LIMCH1: variants seen among roughly 807,000 people sequenced by gnomAD.
The protein encoded by LIMCH1 is LIM and calponin homology domains-containing protein 1.
A neutral mutation model predicts 176.5 loss-of-function variants in LIMCH1; 113 were observed. The ratio of observed to expected loss-of-function variants is 0.64; its 90% CI spans 0.55 to 0.75. The LOEUF is 0.75. Ranked by LOEUF, LIMCH1 falls within the 30% of genes least tolerant of loss-of-function variation. The pLI, the probability that LIMCH1 is intolerant of heterozygous loss-of-function variation, is 0.00. For synonymous variants in LIMCH1, 619 were observed against 645.9 expected, an observed-to-expected ratio of 0.96 and a Z score of 0.63; for missense variants, 1,674 against 1,814.9, an observed-to-expected ratio of 0.92 and a Z score of 1.41.
At chr4:41,530,493 G>A (rs1233043632) in intron 3 of LIMCH1, among the ~76,000 whole-genome samples, 6 of 151,946 alleles carry the variant, frequency 3.9e-5, no homozygotes, top group East Asian at 1.9e-4. Context: ...CTCCGGGCTC[G>A]GTCTCTCCTC....
intron 1 of LIMCH1, among the ~76,000 whole-genome samples, chr4:41,434,296 G>A (rs1406181396): frequency 2.0e-5 from 3 of 152,200 alleles, no homozygotes; most frequent in Admixed American, 6.5e-5. Context: ...CTGGCCACCA[G>A]CTGTAGACAT....
intron 1 of LIMCH1, among the ~76,000 whole-genome samples, chr4:41,392,732 A>G (rs2057373862): frequency 6.6e-6 from 1 of 151,998 alleles, no homozygotes. Context: ...AACTCTCCAC[A>G]CTATTGAAAA....
At chr4:41,688,042 TAC>T (rs1446307692) in intron 29 of LIMCH1, 125 bp downstream of exon 29, 30 of 702,702 alleles carry the variant, frequency 4.3e-5, no homozygotes, top group South Asian at 1.1e-4. Context: ...CATCTCTTCC[TAC>T]ACACACACAG....
Position 41,633,030 on chromosome 4 carries a change from A to G in LIMCH1, c.1774A>G (p.Arg592Gly). The change falls in exon 12 of 32, where the codon AGA becomes GGA. Residue 592 changes from arginine (R) to glycine (G), a missense_variant. This residue lies in a region of LIMCH1 where 1,015 missense variants were observed against 1,102.5 expected (regional missense o/e 0.92). Transcript: ENST00000503057. Reference sequence around the variant, plus strand: ...CAAAGAAGAAACAGAAAGCGCTCCAAGAGATTCTGAGAGGCTGTCAAAGGC... The same window carrying G: ...CAAAGAAGAAACAGAAAGCGCTCCAGGAGATTCTGAGAGGCTGTCAAAGGC... ...DGKEETESAP[R>G]DSERLSKAER... The G allele has an allele frequency of 6.5e-7, 1 of 1,536,074 alleles. No individual in the cohort carries two copies. The highest frequency in any genetic ancestry group is 1.4e-5 in the African/African-American group (1 of 73,170).
intron 31 of LIMCH1, chr4:41,692,728 C>T (rs1407514501): frequency 1.5e-5 from 3 of 199,436 alleles, no homozygotes; most frequent in African/African-American, 7.0e-5. Flanking sequence ...ACGACTGGCA[C>T]CATTTGGGGA....
At chr4:41,557,318 G>A (rs561247537) in intron 1 of LIMCH1, among the ~76,000 whole-genome samples, 26 of 152,126 alleles carry the variant, frequency 1.7e-4, no homozygotes, top group Admixed American at 5.9e-4. Context: ...TTGAAGCTTC[G>A]TAAAAAGGGT....
At position 41,559,743 on chromosome 4, in the gene LIMCH1, G is replaced by C. The variant is rs531626875; in HGVS notation, c.-241+21393G>C. Among the ~76,000 whole-genome samples, 36 of 152,122 alleles carry C rather than the reference G, an allele frequency of 2.4e-4. No homozygotes were observed. The South Asian group carries it at 7.3e-3, about 31-fold the overall frequency. ...GTCACTACCTGAAATTAGCTTTCTT[G>C]TTGGCTGTTGCCACACCACAGCTTC... On this transcript the variant is annotated intron_variant, in intron 1 of 31. Transcript: ENST00000503057.
intron 29 of LIMCH1, 133 bp downstream of exon 29, chr4:41,688,050 C>A: frequency 1.5e-6 from 1 of 648,856 alleles, no homozygotes; most frequent in South Asian, 2.0e-5. Context: ...CCTACACACA[C>A]ACAGAGGCAA....
intron 2 of LIMCH1, among the ~76,000 whole-genome samples, chr4:41,522,531 A>T (rs912339918): frequency 1.3e-5 from 2 of 152,218 alleles, no homozygotes; most frequent in African/African-American, 4.8e-5. Context: ...GTTTAAAATG[A>T]CACTGTTAAA....
intron 1 of LIMCH1, among the ~76,000 whole-genome samples, chr4:41,437,429 G>GT (rs1376368963): frequency 6.6e-6 from 1 of 152,206 alleles, no homozygotes; most frequent in African/African-American, 2.4e-5. Context: ...CTGAACCATT[G>GT]TAAGTGGTGA....
At chr4:41,615,947 A>G (rs990200069) in intron 5 of LIMCH1, among the ~76,000 whole-genome samples, 3 of 152,214 alleles carry the variant, frequency 2.0e-5, no homozygotes, top group Non-Finnish European at 4.4e-5. Flanking sequence ...GCTACCTGGT[A>G]GGATGCTGTA....
chr4:41,685,564 T>G, intron 27 of LIMCH1, 146 bp from the exon 28 acceptor site: 1 of 817,750 alleles, frequency 1.2e-6, no homozygotes, highest in Non-Finnish European at 1.9e-6. Flanking sequence ...GTGATTTAAG[T>G]GGCCTCTCTA....
At chr4:41,388,909 C>T (rs928720119) in intron 1 of LIMCH1, among the ~76,000 whole-genome samples, 3 of 152,220 alleles carry the variant, frequency 2.0e-5, no homozygotes, top group Non-Finnish European at 2.9e-5. Flanking sequence ...TCCCAAAGTG[C>T]TGGGATTACA....
At chr4:41,447,055 C>G (rs752130240) in intron 1 of LIMCH1, among the ~76,000 whole-genome samples, 1 of 152,044 alleles carries the variant, frequency 6.6e-6, no homozygotes, top group Non-Finnish European at 1.5e-5. Flanking sequence ...ATGGTGAAAC[C>G]CTGTCTCTAC....
At chr4:41,516,925 C>T (rs1022437430) in intron 2 of LIMCH1, among the ~76,000 whole-genome samples, 1 of 152,122 alleles carries the variant, frequency 6.6e-6, no homozygotes, top group Non-Finnish European at 1.5e-5. Flanking sequence ...TACAGTTTGC[C>T]TGGGTATTGG....
At chr4:41,407,291 C>T (rs565933445) in intron 1 of LIMCH1, among the ~76,000 whole-genome samples, 1 of 152,348 alleles carries the variant, frequency 6.6e-6, no homozygotes, top group African/African-American at 2.4e-5. Context: ...TGCAGTGGTG[C>T]AATCATGGCT....
At chr4:41,442,959 G>A (rs143827416) in intron 1 of LIMCH1, among the ~76,000 whole-genome samples, 12 of 152,266 alleles carry the variant, frequency 7.9e-5, no homozygotes, top group Admixed American at 3.3e-4. Flanking sequence ...GTAGCTGTTT[G>A]TTTAGCAATT....
At chr4:41,663,008 C>G (rs781620046) in intron 20 of LIMCH1, 24 bp downstream of exon 20, 2 of 1,603,766 alleles carry the variant, frequency 1.2e-6, no homozygotes, top group South Asian at 1.1e-5. Flanking sequence ...TGGAGGAAAG[C>G]GGTTAAACCC....
intron 2 of LIMCH1, among the ~76,000 whole-genome samples, chr4:41,512,345 G>T (rs1343433162): frequency 6.6e-6 from 1 of 152,188 alleles, no homozygotes; most frequent in African/African-American, 2.4e-5. Context: ...CAGTTTGGCA[G>T]TTCCTCAAAA....
Sources: allele counts gnomAD v4.1 joint callset (sites outside exome capture counted in the v4.1 genomes callset), GRCh38; gene constraint gnomAD v4.1.1; regional missense constraint gnomAD v4.1.1; transcripts MANE v1.5; gene names NCBI Gene and HGNC (gene_info 2026-07-23, HGNC 2026-07-21).